IL9: variants seen among roughly 807,000 people sequenced by gnomAD.
IL9 encodes the protein interleukin-9.
A neutral mutation model predicts 12.9 loss-of-function variants in IL9; 16 were observed. That is an observed-to-expected ratio of 1.24 (90% confidence interval 0.84 to 1.88). The LOEUF is 1.88. IL9 is among the 40% of genes most tolerant of loss of function. The pLI is 0.00. For synonymous variants in IL9, 69 were observed against 63.8 expected (o/e 1.08, Z -0.39); for missense variants, 170 against 173.1 (o/e 0.98, Z 0.10).
chr5:135,895,482 A>G lies in IL9; in HGVS notation c.151-10T>C. The G allele has an allele frequency of 6.2e-7, 1 of 1,614,086 alleles. No homozygotes were observed. Among genetic ancestry groups the G allele is most frequent in the African/African-American group, 1.3e-5 (1 of 75,070 alleles). ...AGAGACAACTGGTCACCTGCAAGGG[A>G]AATTTCAGAGTGAAGATTCCAGATG... On this transcript the variant is annotated splice_polypyrimidine_tract_variant and intron_variant, in intron 2 of 4. Coordinates refer to ENST00000274520, the MANE Select transcript of IL9 (RefSeq NM_000590.2).
At position 135,895,728 on chromosome 5, in the gene IL9, A is replaced by G. The variant is rs778265553; in HGVS notation, c.89T>C (p.Ile30Thr). 16 of 1,613,984 alleles carry G rather than the reference A, an allele frequency of 9.9e-6. No individual in the cohort carries two copies. The Admixed American group carries it at 2.7e-4, about 27-fold the overall frequency. Residue 30 changes from isoleucine to threonine, a missense_variant, in exon 1 of 5, where the codon ATC becomes ACC. Physicochemically the swap from Ile to Thr is moderately conservative, Grantham distance 89 (BLOSUM62 -1). Coordinates refer to ENST00000274520, the MANE Select transcript of IL9 (RefSeq NM_000590.2). ...GCPTLAGILDINFLINKMQED... is the reference protein window; with the variant it reads ...GCPTLAGILDTNFLINKMQED... ...CTGCATCTTGTTGATGAGGAAGTTGATGTCCAGGATCCCCGCCAAGGTTGG... is the reference window on the plus strand; with the variant it reads ...CTGCATCTTGTTGATGAGGAAGTTGGTGTCCAGGATCCCCGCCAAGGTTGG...
rs370432544 is a variant in IL9 at position 135,892,953 on chromosome 5, G to A, written c.316-443C>T. Among the ~76,000 whole-genome samples the A allele has an allele frequency of 2.0e-5, 3 of 152,148 alleles. No individual in the cohort carries two copies. In the South Asian group the frequency reaches 6.2e-4, roughly 32 times the overall value. ...AGGCCTGAGTTCAAATCTCAGCTCT[G>A]CCACTTATCAAATATGCAGCCTTAG... On this transcript the variant is annotated intron_variant, in intron 4 of 4. Transcript: ENST00000274520.
chr5:135,894,578 C>T (rs1762917500), intron 3 of IL9, among the ~76,000 whole-genome samples: 1 of 152,236 alleles, frequency 6.6e-6, no homozygotes, highest in African/African-American at 2.4e-5. Context: ...CTCCAAGGGA[C>T]AGGGGCTGTG....
chr5:135,893,417 A>G (rs559695316), intron 4 of IL9, among the ~76,000 whole-genome samples: 48 of 151,996 alleles, frequency 3.2e-4, no homozygotes, highest in Admixed American at 1.8e-3. Context: ...TTGGAGAGCA[A>G]CCTGGCCAAC....
chr5:135,895,665 A>C (rs1204949141), intron 1 of IL9, 38 bp downstream of exon 1: 1 of 1,605,390 alleles, frequency 6.2e-7, no homozygotes, highest in East Asian at 2.2e-5. Context: ...TCACTTTGTC[A>C]GTAGCTGTCT....
At chr5:135,892,823 T>A (rs1001722490) in intron 4 of IL9, among the ~76,000 whole-genome samples, 1 of 151,968 alleles carries the variant, frequency 6.6e-6, no homozygotes. Context: ...GAAAGCCTTT[T>A]CTGGGGACTC....
chr5:135,893,470 G>A (rs1216620746), intron 4 of IL9, among the ~76,000 whole-genome samples: 2 of 152,108 alleles, frequency 1.3e-5, no homozygotes, highest in African/African-American at 2.4e-5. Flanking sequence ...AAATTAGCCA[G>A]GCATGGTGGC....
chr5:135,892,771 CA>C (rs1762888438), intron 4 of IL9, among the ~76,000 whole-genome samples: 37 of 144,812 alleles, frequency 2.6e-4, no homozygotes, highest in African/African-American at 8.4e-4. Flanking sequence ...CACACACACA[CA>C]CACACACCCC....
In IL9 at chr5:135,894,630, C is replaced by G. The variant is rs1339305330; in HGVS notation, c.184-479G>C. 2.0e-5 allele frequency among the ~76,000 whole-genome samples: 3 copies of G among 152,366 alleles called. No homozygotes were observed. In the East Asian group the frequency reaches 5.8e-4, roughly 29 times the overall value. ...TGCCCAGAAGGCACTCTATCCTCTT[C>G]TCATCTAATGGATGGACCGCGATGG... On this transcript the variant is annotated intron_variant, in intron 3 of 4. Transcript: ENST00000274520.
chr5:135,895,546 T>C lies in IL9; in HGVS notation c.150+9A>G, dbSNP rs1415699439. The stretch of plus-strand genomic sequence containing the variant: ...TAATTTGGAAAGTTCTTAAAGAGCA[T>C]TCACTCACATTAGCACTGCAGTGGC... On this transcript the variant is annotated intron_variant, in intron 2 of 4. Coordinates refer to ENST00000274520, the MANE Select transcript of IL9 (RefSeq NM_000590.2). 1 of 1,613,896 alleles carries C rather than the reference T, an allele frequency of 6.2e-7. No individual in the cohort carries two copies. Among genetic ancestry groups the C allele is most frequent in the Admixed American group, 1.7e-5 (1 of 60,014 alleles).
chr5:135,894,175 CA>C (rs1737607813), intron 3 of IL9, 24 bp from the exon 4 acceptor site: 8 of 1,605,208 alleles, frequency 5.0e-6, no homozygotes, highest in Admixed American at 1.7e-5. Flanking sequence ...AGGATTTATT[CA>C]AAGAAATATT....
rs1477660092 is a variant in IL9 at position 135,895,323 on chromosome 5, A to G, written c.183+117T>C. On this transcript the variant is annotated intron_variant, in intron 3 of 4. Transcript: ENST00000274520. ...GTTTTAACAGGGAATACTAATCTGT[A>G]ACAATTAAATTAAGCAACAATGTAT... 3 of 817,160 alleles carry G rather than the reference A, an allele frequency of 3.7e-6. No individual in the cohort carries two copies. In the East Asian group the frequency reaches 8.1e-5, roughly 22 times the overall value. 50.6% of individuals were successfully genotyped at this position (817,160 alleles called of 1,614,324 possible). A position where few individuals can be genotyped will look rare whatever the true frequency, so the allele number is the denominator to read the frequency against.
At position 135,894,045 on chromosome 5, in the gene IL9, T is replaced by C. The variant is rs1466602251; in HGVS notation, c.290A>G (p.Glu97Gly). 1 of 1,613,184 alleles carries C rather than the reference T, an allele frequency of 6.2e-7. No homozygotes were observed. Among genetic ancestry groups the C allele is most frequent in the South Asian group, 1.1e-5 (1 of 90,738 alleles). ...TGGACACTTGTTGTTCTTTAGTACT[T>C]CAACTGATTTTTTCACCCGACTGAA... The part of the protein sequence containing the change: ...LIFSRVKKSV[E>G]VLKNNKCPYF... Residue 97 changes from glutamate to glycine, a missense_variant, in exon 4 of 5, where the codon GAA (glutamate) becomes GGA (glycine). Coordinates refer to ENST00000274520, the MANE Select transcript of IL9 (RefSeq NM_000590.2).
intron 3 of IL9, 28 bp downstream of exon 3, chr5:135,895,412 C>A: frequency 6.3e-7 from 1 of 1,584,864 alleles, no homozygotes; most frequent in Non-Finnish European, 8.6e-7. Context: ...AATCCAAGGT[C>A]AACATTATGT....
chr5:135,893,944 T>C (rs2069882), intron 4 of IL9, 76 bp downstream of exon 4: 251,666 of 1,245,016 alleles, frequency 0.2, 27,734 homozygotes, highest in African/African-American at 0.35. Flanking sequence ...CATCCTTTTG[T>C]GTTCAAACAG....
chr5:135,894,716 T>G (rs1312584067), intron 3 of IL9, among the ~76,000 whole-genome samples: 1 of 152,206 alleles, frequency 6.6e-6, no homozygotes, highest in African/African-American at 2.4e-5. Flanking sequence ...TCCCAGGCCT[T>G]GCATGAGAAA....
At chr5:135,894,860 C>T (rs957355356) in intron 3 of IL9, among the ~76,000 whole-genome samples, 11 of 152,208 alleles carry the variant, frequency 7.2e-5, no homozygotes, top group African/African-American at 2.4e-4. Flanking sequence ...CCTCCTTCCA[C>T]TCACAACCTC....
chr5:135,893,201 C>T (rs536722918), intron 4 of IL9, among the ~76,000 whole-genome samples: 1 of 152,190 alleles, frequency 6.6e-6, no homozygotes, highest in Non-Finnish European at 1.5e-5. Flanking sequence ...ACCCAACTTG[C>T]CATCCCAGTC....
At chr5:135,895,089 G>A (rs1192020187) in intron 3 of IL9, among the ~76,000 whole-genome samples, 4 of 152,174 alleles carry the variant, frequency 2.6e-5, no homozygotes, top group East Asian at 1.9e-4. Context: ...AATATGATAT[G>A]AGCTACAGCA....
Sources: allele counts gnomAD v4.1 joint callset (sites outside exome capture counted in the v4.1 genomes callset), GRCh38; gene constraint gnomAD v4.1.1; transcripts MANE v1.5; gene names NCBI Gene and HGNC (gene_info 2026-07-23, HGNC 2026-07-21).